CCDC102B: variants seen among roughly 807,000 people sequenced by gnomAD.
CCDC102B encodes coiled-coil domain containing 102B.
CCDC102B carries 75 observed loss-of-function variants against 57.4 expected under a neutral mutation model. The observed-to-expected ratio is 1.31, with a 90% CI of 1.08 to 1.58. CCDC102B has a LOEUF of 1.58. CCDC102B is among the 40% of genes most tolerant of loss of function. The pLI is 0.00. For missense variants in CCDC102B, 636 were observed against 582.6 expected (o/e 1.09, Z -0.94); for synonymous variants, 206 against 201.9 (o/e 1.02, Z -0.17).
At chr18:68,784,271 G>C (rs2035109371) in intron 2 of CCDC102B, among the ~76,000 whole-genome samples, 1 of 151,878 alleles carries the variant, frequency 6.6e-6, no homozygotes, top group Non-Finnish European at 1.5e-5. Context: ...AGAAGGCAAA[G>C]GGTGAGTGAG....
chr18:68,761,920 A>G (rs2034266119), intron 2 of CCDC102B, among the ~76,000 whole-genome samples: 1 of 151,826 alleles, frequency 6.6e-6, no homozygotes, highest in Non-Finnish European at 1.5e-5. Context: ...CTGAACTTGT[A>G]TATTTATCTG....
intron 6 of CCDC102B, among the ~76,000 whole-genome samples, chr18:68,986,461 C>T (rs368975257): frequency 1.3e-5 from 2 of 152,100 alleles, no homozygotes; most frequent in Admixed American, 1.3e-4. Flanking sequence ...TGATAAAAAC[C>T]GTCAACAGAA....
chr18:68,790,614 T>A (rs2035418604), intron 2 of CCDC102B, among the ~76,000 whole-genome samples: 1 of 152,144 alleles, frequency 6.6e-6, no homozygotes. Context: ...CCTCACCCCT[T>A]TCTTTGACTC....
rs1367439220 is a variant in CCDC102B, at chr18:68,998,987, TATATATATATATAGAGAG to T, written c.1264-11945_1264-11928del. On this transcript the variant is annotated intron_variant, in intron 6 of 7. Coordinates refer to ENST00000360242, the MANE Select transcript of CCDC102B (RefSeq NM_024781.3). ...ATCATCATATATATATATATATATA[TATATATATATATAGAGAG>T]AGAGAGAGAGAGAGAGAGAGAGAGA... Among the ~76,000 whole-genome samples, 711 of 80,756 alleles carry T rather than the reference TATATATATATATAGAGAG, an allele frequency of 8.8e-3. 3 individuals are homozygous for T. Among genetic ancestry groups the T allele is most frequent in the Middle Eastern group, 0.019 (3 of 162 alleles). The allele number at this position is 80,756 out of a possible 152,430, so 53.0% of individuals were successfully genotyped here.
intron 7 of CCDC102B, among the ~76,000 whole-genome samples, chr18:69,047,920 A>G (rs1449790783): frequency 6.6e-6 from 1 of 152,152 alleles, no homozygotes; most frequent in Non-Finnish European, 1.5e-5. Flanking sequence ...ATGTTCATGG[A>G]CAGGAAGAAT....
At chr18:68,726,546 A>C (rs1426654289) in intron 2 of CCDC102B, among the ~76,000 whole-genome samples, 3 of 152,334 alleles carry the variant, frequency 2.0e-5, no homozygotes, top group Non-Finnish European at 2.9e-5. Flanking sequence ...CACACTATTC[A>C]ACTGCTAAAT....
chr18:68,907,678 T>C (rs1464470065), intron 6 of CCDC102B, among the ~76,000 whole-genome samples: 1 of 152,214 alleles, frequency 6.6e-6, no homozygotes, highest in Non-Finnish European at 1.5e-5. Context: ...TTAGCTGTAG[T>C]AAATTTCTTT....
chr18:68,956,935 G>T (rs1391577482), intron 6 of CCDC102B, among the ~76,000 whole-genome samples: 1 of 151,630 alleles, frequency 6.6e-6, no homozygotes, highest in Non-Finnish European at 1.5e-5. Flanking sequence ...TTCTTTTGAG[G>T]AATGTCTGTT....
chr18:68,958,709 G>T (rs1054125496), intron 6 of CCDC102B, among the ~76,000 whole-genome samples: 14 of 151,652 alleles, frequency 9.2e-5, no homozygotes, highest in Admixed American at 2.0e-4. Context: ...TGTCTTCTCT[G>T]ATTGTGTATT....
intron 2 of CCDC102B, among the ~76,000 whole-genome samples, chr18:68,765,375 A>AAGAAAGAG (rs1568239043): frequency 4.2e-5 from 6 of 143,812 alleles, no homozygotes; most frequent in Non-Finnish European, 9.2e-5. Context: ...GAAAGAAAGA[A>AAGAAAGAG]AGAAAAGAAA....
chr18:68,826,182 A>G (rs543894427), intron 1 of CCDC102B, among the ~76,000 whole-genome samples: 51 of 152,348 alleles, frequency 3.3e-4, no homozygotes, highest in African/African-American at 1.2e-3. Context: ...TTTCTGTGGA[A>G]TACATGTGTG....
At chr18:69,025,217 G>A (rs1236504266) in intron 7 of CCDC102B, among the ~76,000 whole-genome samples, 1 of 152,082 alleles carries the variant, frequency 6.6e-6, no homozygotes, top group African/African-American at 2.4e-5. Context: ...ACTAATATAT[G>A]TACACTAATT....
Position 68,985,118 on chromosome 18 carries a change from T to C in CCDC102B, c.1264-25816T>C, listed in dbSNP as rs763282312. ...GTATACCTGTAATCTCACATCTTGTTCACAAAGCAAATGCTCTGTCAAAAA... is the reference window on the plus strand; with the variant it reads ...GTATACCTGTAATCTCACATCTTGTCCACAAAGCAAATGCTCTGTCAAAAA... On this transcript the variant is annotated intron_variant, in intron 6 of 7. Coordinates refer to ENST00000360242, the MANE Select transcript of CCDC102B (RefSeq NM_024781.3). 3.3e-5 allele frequency among the ~76,000 whole-genome samples: 5 copies of C among 152,286 alleles called. No individual in the cohort carries two copies. The Middle Eastern group carries it at 0.01, about 311-fold the overall frequency.
downstream of CCDC102B, among the ~76,000 whole-genome samples, chr18:69,056,692 A>G (rs2145511252): frequency 1.1e-5 from 1 of 89,760 alleles, no homozygotes; most frequent in Admixed American, 1.2e-4. Context: ...TAGGATAGAG[A>G]TTGATAGATA....
intron 1 of CCDC102B, among the ~76,000 whole-genome samples, chr18:68,834,849 A>G (rs926195371): frequency 2.8e-4 from 42 of 152,074 alleles, no homozygotes; most frequent in Non-Finnish European, 5.6e-4. Context: ...TTTGTAAGTT[A>G]GTTAAAGTAA....
At chr18:69,031,550 T>C (rs372840916) in intron 7 of CCDC102B, among the ~76,000 whole-genome samples, 2 of 152,196 alleles carry the variant, frequency 1.3e-5, no homozygotes, top group South Asian at 2.1e-4. Flanking sequence ...GAATAATAGC[T>C]GGAGCTTTAA....
intron 2 of CCDC102B, among the ~76,000 whole-genome samples, chr18:68,772,860 T>C (rs928163842): frequency 6.6e-6 from 1 of 152,010 alleles, no homozygotes; most frequent in African/African-American, 2.4e-5. Context: ...CTCTATAGTT[T>C]ACCAGAAAAA....
chr18:68,925,329 T>C (rs1278592108), intron 6 of CCDC102B, among the ~76,000 whole-genome samples: 1 of 152,000 alleles, frequency 6.6e-6, no homozygotes, highest in Non-Finnish European at 1.5e-5. Flanking sequence ...TGTGATGGTA[T>C]CAGCACCTTT....
chr18:68,759,009 T>TAA (rs556239422), intron 2 of CCDC102B, among the ~76,000 whole-genome samples: 2 of 142,068 alleles, frequency 1.4e-5, no homozygotes, highest in African/African-American at 5.3e-5. Flanking sequence ...CACCCCTACC[T>TAA]AAAAAAAACA....
Sources: gnomAD v4.1 joint callset for allele counts (sites outside exome capture counted in the v4.1 genomes callset) on GRCh38, gnomAD v4.1.1 for gene constraint, MANE v1.5 for transcripts, NCBI Gene and HGNC (gene_info 2026-07-23, HGNC 2026-07-21) for gene names.